The following NXPE4 variants were observed in gnomAD, a reference collection of about 807,000 sequenced individuals.
NXPE4 encodes neurexophilin and PC-esterase domain family member 4, also known as NXPE family member 4.
NXPE4 carries 42 observed loss-of-function variants against 33.3 expected under a neutral mutation model. The ratio of observed to expected loss-of-function variants is 1.26; its 90% CI spans 0.98 to 1.63. The LOEUF (loss-of-function observed/expected upper bound fraction) is 1.63. Among genes scored for constraint, NXPE4 ranks in the 40% most tolerant of loss-of-function variants. NXPE4 has a pLI of 0.00. For missense variants in NXPE4, 709 were observed against 647.6 expected (o/e 1.09, Z -1.03); for synonymous variants, 253 against 234.9 (o/e 1.08, Z -0.71).
chr11:114,602,949 TATCTC>T, the NXPE4 span, among the ~76,000 whole-genome samples: 1 of 149,884 alleles, frequency 6.7e-6, no homozygotes, highest in Non-Finnish European at 1.5e-5. Flanking sequence ...GAATCATAAT[TATCTC>T]ATATACAATT....
chr11:114,631,786 T>C, the NXPE4 span, among the ~76,000 whole-genome samples: 5 of 149,122 alleles, frequency 3.4e-5, no homozygotes, highest in African/African-American at 1.2e-4. Context: ...TCATGAGTAA[T>C]CACTGTTACC....
At chr11:114,575,647 T>C (rs1034344367) in intron 5 of NXPE4, among the ~76,000 whole-genome samples, 1 of 151,920 alleles carries the variant, frequency 6.6e-6, no homozygotes, top group Non-Finnish European at 1.5e-5. Context: ...TAGCCAAGGA[T>C]GTCAAAGACC....
At chr11:114,639,236 T>A in the NXPE4 span, among the ~76,000 whole-genome samples, 1 of 151,832 alleles carries the variant, frequency 6.6e-6, no homozygotes, top group Non-Finnish European at 1.5e-5. Context: ...GTGCGAGCAA[T>A]CAGCGAGACT....
chr11:114,598,596 T>C (rs113310586), upstream of NXPE4, among the ~76,000 whole-genome samples: 4 of 152,280 alleles, frequency 2.6e-5, no homozygotes, highest in African/African-American at 9.6e-5. Context: ...GCAGGCTTAA[T>C]AGCCTGTGGA....
At chr11:114,649,902 G>A in the NXPE4 span, among the ~76,000 whole-genome samples, 1,095 of 152,264 alleles carry the variant, frequency 7.2e-3, 4 homozygotes, top group Non-Finnish European at 0.011. Context: ...AGGGCTGGTT[G>A]GTAAATGCGT....
chr11:114,583,741 G>A, intron 2 of NXPE4: 1 of 513,638 alleles, frequency 1.9e-6, no homozygotes. Context: ...CCTTGGAACT[G>A]CTAAAGTATC....
intron 2 of NXPE4, among the ~76,000 whole-genome samples, chr11:114,593,447 A>G (rs1344027257): frequency 6.6e-6 from 1 of 152,164 alleles, no homozygotes; most frequent in Admixed American, 6.6e-5. Context: ...TGATCATCAG[A>G]GAAACACAAA....
At chr11:114,662,888 C>T in the NXPE4 span, among the ~76,000 whole-genome samples, 23,879 of 152,110 alleles carry the variant, frequency 0.16, 2,167 homozygotes, top group South Asian at 0.2. Context: ...CTTGAATAAC[C>T]GGCAGCAATA....
At chr11:114,654,554 T>C in the NXPE4 span, among the ~76,000 whole-genome samples, 2 of 152,240 alleles carry the variant, frequency 1.3e-5, no homozygotes, top group South Asian at 2.1e-4. Flanking sequence ...CTCCCACTTA[T>C]GAGTGAGAAC....
the NXPE4 span, among the ~76,000 whole-genome samples, chr11:114,649,883 A>G: frequency 6.6e-6 from 1 of 152,216 alleles, no homozygotes; most frequent in Non-Finnish European, 1.5e-5. Flanking sequence ...TTACTAAGGC[A>G]GGGATTCTAG....
chr11:114,660,675 A>T, the NXPE4 span, among the ~76,000 whole-genome samples: 1 of 152,114 alleles, frequency 6.6e-6, no homozygotes, highest in Non-Finnish European at 1.5e-5. Flanking sequence ...GAAAGACTGA[A>T]TGCTTTGCCC....
intron 2 of NXPE4, among the ~76,000 whole-genome samples, chr11:114,586,584 T>C (rs140929196): frequency 5.3e-5 from 8 of 152,142 alleles, no homozygotes; most frequent in Admixed American, 5.2e-4. Context: ...AATGTTGGCT[T>C]TGTTTCTAAT....
the NXPE4 span, among the ~76,000 whole-genome samples, chr11:114,636,238 A>G: frequency 1.3e-5 from 2 of 151,976 alleles, no homozygotes; most frequent in East Asian, 1.9e-4. Context: ...TAGATTCTCT[A>G]GTTTATTTGC....
chr11:114,671,264 A>T, the NXPE4 span, among the ~76,000 whole-genome samples: 412 of 151,612 alleles, frequency 2.7e-3, 2 homozygotes, highest in Non-Finnish European at 4.6e-3. Flanking sequence ...GAGAAAAATA[A>T]TAAGAATATA....
At chr11:114,627,410 A>G in the NXPE4 span, among the ~76,000 whole-genome samples, 1 of 151,778 alleles carries the variant, frequency 6.6e-6, no homozygotes, top group Non-Finnish European at 1.5e-5. Context: ...TTTCATATCC[A>G]GCCAAACTAA....
At chr11:114,668,050 G>A in the NXPE4 span, among the ~76,000 whole-genome samples, 1 of 151,910 alleles carries the variant, frequency 6.6e-6, no homozygotes, top group African/African-American at 2.4e-5. Flanking sequence ...AGGAACCTCA[G>A]CCTTTCTTAG....
chr11:114,643,372 G>A, the NXPE4 span, among the ~76,000 whole-genome samples: 2 of 152,090 alleles, frequency 1.3e-5, no homozygotes, highest in Non-Finnish European at 2.9e-5. Flanking sequence ...TTTTCTTCTA[G>A]TGTTTTTATA....
chr11:114,609,532 ACT>A, the NXPE4 span, among the ~76,000 whole-genome samples: 1 of 151,870 alleles, frequency 6.6e-6, no homozygotes, highest in Non-Finnish European at 1.5e-5. Flanking sequence ...GTGGGTAACC[ACT>A]GTTACCCAAT....
Position 114,582,602 on chromosome 11 carries a change from C to T in NXPE4, c.516G>A (p.Glu172=), listed in dbSNP as rs1275944409. 2 of 1,614,028 alleles carry T rather than the reference C, an allele frequency of 1.2e-6. No homozygotes were observed. Among genetic ancestry groups the T allele is most frequent in the Middle Eastern group, 1.6e-4 (1 of 6,084 alleles). ...GCAGCAGAGACAGAGAGACCTGGCC[C>T]TCCCAGAACAGAGTGAAGCTGACCA... ...TYLVSFTLFW[E]GQVSLSLLLI... is the part of the protein sequence containing the mutation. The change falls in exon 3 of 6, where the codon GAG becomes GAA. Residue 172 remains glutamate, a synonymous_variant. Coordinates refer to ENST00000375478, the MANE Select transcript of NXPE4 (RefSeq NM_001077639.2).
Sources: allele counts gnomAD v4.1 joint callset (sites outside exome capture counted in the v4.1 genomes callset), GRCh38; gene constraint gnomAD v4.1.1; transcripts MANE v1.5; gene names NCBI Gene and HGNC (gene_info 2026-07-23, HGNC 2026-07-21).